Variants in CACNA2D3 observed in about 807,000 individuals in gnomAD.
CACNA2D3 encodes voltage-dependent calcium channel subunit alpha-2/delta-3.
Under a neutral mutation model 160.6 loss-of-function variants are expected in CACNA2D3, and 60 were observed. The observed-to-expected ratio is 0.37, with a 90% CI of 0.30 to 0.46. CACNA2D3 has a LOEUF of 0.46. CACNA2D3 is among the 20% of genes least tolerant of loss of function. The probability of loss-of-function intolerance (pLI) is 1.00; values close to 1 mark genes in which losing one functional copy is unlikely to be tolerated. For missense variants in CACNA2D3, 1,205 were observed against 1,365.0 expected, an observed-to-expected ratio of 0.88 and a Z score of 1.85; for synonymous variants, 558 against 492.9, an observed-to-expected ratio of 1.13 and a Z score of -1.75.
chr3:54,584,299 A>T (rs1434203214), intron 9 of CACNA2D3, among the ~76,000 whole-genome samples: 1 of 152,264 alleles, frequency 6.6e-6, no homozygotes, highest in Non-Finnish European at 1.5e-5. Context: ...ATTCTCTTGC[A>T]ACAAATGAAA....
At chr3:54,967,829 G>A (rs1702185082) in intron 27 of CACNA2D3, among the ~76,000 whole-genome samples, 1 of 152,108 alleles carries the variant, frequency 6.6e-6, no homozygotes, top group Non-Finnish European at 1.5e-5. Flanking sequence ...GGCTGTTTCT[G>A]TCACTAGAAC....
chr3:54,501,406 A>ATT (rs35135959), intron 4 of CACNA2D3, among the ~76,000 whole-genome samples: 2,111 of 137,460 alleles, frequency 0.015, 40 homozygotes, highest in African/African-American at 0.028. Context: ...CTCTAACACT[A>ATT]TTTTTTTTTT....
chr3:54,449,599 G>C (rs1237805132), intron 4 of CACNA2D3, among the ~76,000 whole-genome samples: 2 of 152,256 alleles, frequency 1.3e-5, no homozygotes, highest in African/African-American at 4.8e-5. Flanking sequence ...GGATCATGGG[G>C]GAGGTTTCTC....
intron 5 of CACNA2D3, among the ~76,000 whole-genome samples, chr3:54,544,026 G>T (rs1702023341): frequency 6.6e-6 from 1 of 152,038 alleles, no homozygotes; most frequent in Non-Finnish European, 1.5e-5. Context: ...AAACAAAAAA[G>T]CCTTGTTTTT....
At chr3:54,584,915 C>T (rs1327577304) in intron 9 of CACNA2D3, among the ~76,000 whole-genome samples, 1 of 152,082 alleles carries the variant, frequency 6.6e-6, no homozygotes, top group Non-Finnish European at 1.5e-5. Flanking sequence ...GATTCTATAT[C>T]CAGTGAAAAT....
chr3:54,825,331 C>T (rs898944333), intron 14 of CACNA2D3, among the ~76,000 whole-genome samples: 10 of 152,070 alleles, frequency 6.6e-5, no homozygotes, highest in Admixed American at 5.9e-4. Context: ...ATTGGGATAC[C>T]ATGATATTAA....
chr3:54,577,691 G>A (rs143862211), intron 8 of CACNA2D3, among the ~76,000 whole-genome samples: 51 of 152,012 alleles, frequency 3.4e-4, no homozygotes, highest in African/African-American at 1.1e-3. Context: ...TCATTCTTAC[G>A]TGCCAGGTTC....
At chr3:54,206,795 A>G (rs1331673109) in intron 2 of CACNA2D3, among the ~76,000 whole-genome samples, 1 of 152,192 alleles carries the variant, frequency 6.6e-6, no homozygotes, top group Non-Finnish European at 1.5e-5. Context: ...GATTCATATA[A>G]TAGCTGAATT....
At chr3:54,271,905 A>G (rs923101445) in intron 2 of CACNA2D3, among the ~76,000 whole-genome samples, 7 of 152,260 alleles carry the variant, frequency 4.6e-5, no homozygotes, top group Admixed American at 2.0e-4. Flanking sequence ...TGTGGAAAAT[A>G]TAAAAGTTAC....
intron 4 of CACNA2D3, among the ~76,000 whole-genome samples, chr3:54,439,912 C>G (rs1301352245): frequency 2.0e-5 from 3 of 152,140 alleles, no homozygotes; most frequent in Admixed American, 2.0e-4. Context: ...ATTGTGTCAC[C>G]ATCACATTTA....
chr3:54,824,029 A>G (rs1703696926), intron 14 of CACNA2D3, among the ~76,000 whole-genome samples: 1 of 152,228 alleles, frequency 6.6e-6, no homozygotes, highest in Non-Finnish European at 1.5e-5. Context: ...CTCCCAAGAA[A>G]TAAACAAATG....
intron 27 of CACNA2D3, among the ~76,000 whole-genome samples, chr3:54,941,239 CAG>C (rs1197249078): frequency 2.6e-5 from 4 of 152,116 alleles, no homozygotes; most frequent in Non-Finnish European, 2.9e-5. Context: ...AGTAAAAAAA[CAG>C]GGGCATATAG....
At chr3:54,513,311 T>C (rs1701489125) in intron 5 of CACNA2D3, among the ~76,000 whole-genome samples, 2 of 152,204 alleles carry the variant, frequency 1.3e-5, no homozygotes, top group Non-Finnish European at 1.5e-5. Context: ...GAACACACTA[T>C]CTACTCATTG....
Position 54,577,151 on chromosome 3 carries a change from C to T in CACNA2D3, c.889-4652C>T, listed in dbSNP as rs1215225997. ...AAGTAAAAAACGGTTCATTGTCACT[C>T]TACAATGATGGTCATAAGCAAACTT... On this transcript the variant is annotated intron_variant, in intron 8 of 37. Transcript: ENST00000474759. 3.3e-5 allele frequency among the ~76,000 whole-genome samples: 5 copies of T among 152,218 alleles called. No individual in the cohort carries two copies. In the East Asian group the frequency reaches 9.6e-4, roughly 29 times the overall value.
At chr3:54,416,432 G>A (rs1699755320) in intron 4 of CACNA2D3, among the ~76,000 whole-genome samples, 1 of 152,082 alleles carries the variant, frequency 6.6e-6, no homozygotes, top group African/African-American at 2.4e-5. Flanking sequence ...CTGACATCTA[G>A]TAGCATGTCC....
intron 17 of CACNA2D3, among the ~76,000 whole-genome samples, chr3:54,850,865 T>C (rs1285744704): frequency 3.9e-5 from 6 of 152,200 alleles, no homozygotes; most frequent in African/African-American, 1.2e-4. Context: ...AATCTGCCAG[T>C]CACATGGGTC....
At chr3:54,785,743 A>G (rs1702628408) in intron 13 of CACNA2D3, among the ~76,000 whole-genome samples, 1 of 152,240 alleles carries the variant, frequency 6.6e-6, no homozygotes, top group Non-Finnish European at 1.5e-5. Flanking sequence ...GTACCAAAAG[A>G]TAGTGGCCCA....
At chr3:55,059,199 A>G (rs1704439868) in intron 35 of CACNA2D3, among the ~76,000 whole-genome samples, 1 of 152,230 alleles carries the variant, frequency 6.6e-6, no homozygotes, top group Non-Finnish European at 1.5e-5. Flanking sequence ...CTATTTTGCT[A>G]AATGAACCCA....
intron 8 of CACNA2D3, among the ~76,000 whole-genome samples, chr3:54,580,004 C>T (rs2106736716): frequency 6.6e-6 from 1 of 152,076 alleles, no homozygotes; most frequent in Middle Eastern, 3.4e-3. Flanking sequence ...GGTTTGGGGG[C>T]CAGAGAGGAT....
Sources: gnomAD v4.1 joint callset for allele counts (sites outside exome capture counted in the v4.1 genomes callset) on GRCh38, gnomAD v4.1.1 for gene constraint, MANE v1.5 for transcripts, NCBI Gene and HGNC (gene_info 2026-07-23, HGNC 2026-07-21) for gene names.